Variants in DDAH1 observed in about 807,000 individuals in gnomAD.
DDAH1 encodes the protein dimethylarginine dimethylaminohydrolase 1, also known as N(G),N(G)-dimethylarginine dimethylaminohydrolase 1.
In DDAH1, 19 loss-of-function variants were observed where a neutral mutation model predicts 28.8. That is an observed-to-expected ratio of 0.66 (90% CI 0.46 to 0.97). The LOEUF is 0.97. Ranked by LOEUF, DDAH1 falls within the 50% of genes least tolerant of loss-of-function variation. The pLI, the probability that DDAH1 is intolerant of heterozygous loss-of-function variation, is 0.00. For missense variants in DDAH1, 326 were observed against 375.9 expected (o/e 0.87, Z 1.10); for synonymous variants, 153 against 154.4 (o/e 0.99, Z 0.07).
chr1:85,511,544 A>T (rs1570625180), intron 1 of DDAH1, among the ~76,000 whole-genome samples: 1 of 152,222 alleles, frequency 6.6e-6, no homozygotes, highest in Non-Finnish European at 1.5e-5. Context: ...CCCTTCAAAA[A>T]ATCAATGAAT....
Position 85,411,465 on chromosome 1 carries a change from T to G in DDAH1, c.304-52618A>C, listed in dbSNP as rs570776398. Among the ~76,000 whole-genome samples the G allele has an allele frequency of 8.7e-4, 132 of 152,320 alleles. No homozygotes were observed. In the South Asian group the frequency reaches 0.026, roughly 30 times the overall value. ...TAAATTTTGACCCTGATGAGGGGAC[T>G]GATGCTGTGTTCACTACCATGCTGT... On this transcript the variant is annotated intron_variant, in intron 1 of 5. Transcript: ENST00000284031.
intron 4 of DDAH1, among the ~76,000 whole-genome samples, chr1:85,341,755 G>GAGAGCCGAGATCACGCCACTGCACTCC (rs1557487680): frequency 1.3e-5 from 2 of 152,122 alleles, no homozygotes; most frequent in East Asian, 3.9e-4. Flanking sequence ...GGAGCTTGCA[G>GAGAGCCGAGATCACGCCACTGCACTCC]AGAGCCGAGA....
intron 1 of DDAH1, among the ~76,000 whole-genome samples, chr1:85,534,402 T>C (rs1221440345): frequency 1.3e-5 from 2 of 152,164 alleles, no homozygotes; most frequent in African/African-American, 4.8e-5. Context: ...TCTGCCTAAA[T>C]AGTGTGATTT....
At chr1:85,333,687 A>C (rs1647919098) in intron 4 of DDAH1, among the ~76,000 whole-genome samples, 1 of 152,118 alleles carries the variant, frequency 6.6e-6, no homozygotes, top group Non-Finnish European at 1.5e-5. Flanking sequence ...GAATGAAATA[A>C]AAAATGCAAT....
chr1:85,485,038 T>A (rs894960496), intron 2 of DDAH1, among the ~76,000 whole-genome samples: 1 of 152,238 alleles, frequency 6.6e-6, no homozygotes, highest in Non-Finnish European at 1.5e-5. Context: ...TTCAGTAACT[T>A]TATTTTTTGA....
intron 1 of DDAH1, among the ~76,000 whole-genome samples, chr1:85,418,761 C>T (rs995689613): frequency 1.3e-5 from 2 of 152,162 alleles, no homozygotes; most frequent in Admixed American, 6.5e-5. Context: ...CCCTGCTTTC[C>T]CATCCATTTG....
At chr1:85,510,040 A>G (rs1280363115) in intron 1 of DDAH1, among the ~76,000 whole-genome samples, 1 of 152,176 alleles carries the variant, frequency 6.6e-6, no homozygotes, top group Non-Finnish European at 1.5e-5. Flanking sequence ...TCCAAGACAC[A>G]TAATTGTCAG....
chr1:85,406,039 T>A (rs1319114398), intron 1 of DDAH1, among the ~76,000 whole-genome samples: 5 of 152,226 alleles, frequency 3.3e-5, no homozygotes, highest in Admixed American at 2.6e-4. Context: ...CTACCTACCA[T>A]GTTTCCTCAT....
chr1:85,441,205 A>G (rs1019105413), intron 1 of DDAH1, among the ~76,000 whole-genome samples: 4 of 152,206 alleles, frequency 2.6e-5, no homozygotes, highest in African/African-American at 9.6e-5. Context: ...CTCACAGCAC[A>G]CAAGGAAGGA....
intron 1 of DDAH1, among the ~76,000 whole-genome samples, chr1:85,361,010 G>GTATTT (rs1649767941): frequency 6.6e-6 from 1 of 152,142 alleles, no homozygotes; most frequent in Admixed American, 6.6e-5. Flanking sequence ...TAAGCACATG[G>GTATTT]ACAAGATTTT....
intron 1 of DDAH1, chr1:85,576,790 C>A (rs1659619562): frequency 6.6e-6 from 1 of 152,392 alleles, no homozygotes; most frequent in African/African-American, 2.4e-5. Context: ...GCAGGGCGGA[C>A]TTCGGCCCTC....
At chr1:85,334,350 G>C (rs1468340842) in intron 4 of DDAH1, among the ~76,000 whole-genome samples, 2 of 152,060 alleles carry the variant, frequency 1.3e-5, no homozygotes, top group African/African-American at 2.4e-5. Flanking sequence ...CTTTAAAGCA[G>C]TATGAAAACG....
At chr1:85,526,577 T>G (rs1657882108) in intron 1 of DDAH1, among the ~76,000 whole-genome samples, 1 of 151,592 alleles carries the variant, frequency 6.6e-6, no homozygotes, top group Non-Finnish European at 1.5e-5. Flanking sequence ...GGTTTTGTGA[T>G]TCTGAGAAAG....
rs369417977 is a variant in DDAH1 at position 85,319,918 on chromosome 1, G to A, written c.*1534C>T. On this transcript the variant is annotated 3_prime_UTR_variant, in exon 6 of 6. Transcript: ENST00000284031. ...AATGAATGAAAGTAATTCTCTTTAG[G>A]TCACCAACATAAGGAATAATTTGAC... 6.6e-6 allele frequency: 1 copy of A among 152,120 alleles called. No homozygotes were observed. Among genetic ancestry groups the A allele is most frequent in the East Asian group, 1.9e-4 (1 of 5,198 alleles). The allele number at this position is 152,120 out of a possible 1,614,324, so 9.4% of individuals were successfully genotyped here.
chr1:85,503,518 C>CATCTATCTATCT (rs61426289), intron 1 of DDAH1, among the ~76,000 whole-genome samples: 2,096 of 144,102 alleles, frequency 0.015, 21 homozygotes, highest in East Asian at 0.02. Flanking sequence ...CTTTAAAGTT[C>CATCTATCTATCT]ATCTATCTAT....
chr1:85,520,148 C>T (rs1273536431), intron 1 of DDAH1, among the ~76,000 whole-genome samples: 1 of 152,064 alleles, frequency 6.6e-6, no homozygotes, highest in Non-Finnish European at 1.5e-5. Context: ...CATTCTTATG[C>T]CTTTGCATCC....
chr1:85,465,453 C>T (rs1392913582), upstream of DDAH1, among the ~76,000 whole-genome samples: 1 of 152,212 alleles, frequency 6.6e-6, no homozygotes, highest in African/African-American at 2.4e-5. Flanking sequence ...CACCTCCCAT[C>T]GTCCCCAGCG....
At chr1:85,374,296 A>T (rs1368444273) in intron 1 of DDAH1, among the ~76,000 whole-genome samples, 1 of 151,992 alleles carries the variant, frequency 6.6e-6, no homozygotes, top group Non-Finnish European at 1.5e-5. Context: ...CTCCTACATG[A>T]CCCATTTCTA....
chr1:85,369,910 T>C (rs937601264), intron 1 of DDAH1, among the ~76,000 whole-genome samples: 1 of 152,126 alleles, frequency 6.6e-6, no homozygotes, highest in African/African-American at 2.4e-5. Context: ...CTGTTGCCCA[T>C]AGGAAGAATG....
Sources: gnomAD v4.1 joint callset for allele counts (sites outside exome capture counted in the v4.1 genomes callset) on GRCh38, gnomAD v4.1.1 for gene constraint, MANE v1.5 for transcripts, NCBI Gene and HGNC (gene_info 2026-07-23, HGNC 2026-07-21) for gene names.